The following BNC2 variants were observed in gnomAD, a reference collection of about 807,000 sequenced individuals.
BNC2 encodes basonuclin zinc finger protein 2.
BNC2 carries 20 observed loss-of-function variants against 76.3 expected under a neutral mutation model. The observed-to-expected ratio is 0.26, with a 90% confidence interval of 0.18 to 0.38. The LOEUF is 0.38. Among genes scored for constraint, BNC2 ranks in the 10% least tolerant of loss-of-function variants. The pLI, the probability that BNC2 is intolerant of heterozygous loss-of-function variation, is 1.00. For missense variants in BNC2, 1,382 were observed against 1,399.8 expected, an observed-to-expected ratio of 0.99 and a Z score of 0.20; for synonymous variants, 582 against 514.8, an observed-to-expected ratio of 1.13 and a Z score of -1.77.
chr9:16,780,320 TC>T (rs1336599825), intron 1 of BNC2, among the ~76,000 whole-genome samples: 1 of 148,000 alleles, frequency 6.8e-6, no homozygotes, highest in Non-Finnish European at 1.5e-5. Context: ...ACGCCTGTAA[TC>T]CCAGCACTGT....
At chr9:16,431,308 C>A in intron 6 of BNC2, 1 of 252,482 alleles carries the variant, frequency 4.0e-6, no homozygotes, top group South Asian at 4.1e-5. Flanking sequence ...TATAAATAGG[C>A]TTCCCTTCAA....
chr9:16,427,114 A>G (rs1446216736), intron 6 of BNC2, among the ~76,000 whole-genome samples: 1 of 152,236 alleles, frequency 6.6e-6, no homozygotes, highest in Non-Finnish European at 1.5e-5. Flanking sequence ...TCAATAAAGT[A>G]CTTTTACTGA....
intron 1 of BNC2, among the ~76,000 whole-genome samples, chr9:16,815,135 TAAG>T (rs1818151387): frequency 6.6e-6 from 1 of 152,028 alleles, no homozygotes; most frequent in Non-Finnish European, 1.5e-5. Context: ...AGGACTTAAT[TAAG>T]AAGTGTAGAA....
At chr9:16,866,295 A>T (rs1159618168) in intron 1 of BNC2, among the ~76,000 whole-genome samples, 2 of 152,192 alleles carry the variant, frequency 1.3e-5, no homozygotes, top group South Asian at 4.1e-4. Flanking sequence ...ATTTATGCTT[A>T]TAACAGGAAG....
intron 3 of BNC2, among the ~76,000 whole-genome samples, chr9:16,691,238 G>A (rs1207834729): frequency 6.6e-6 from 1 of 152,086 alleles, no homozygotes; most frequent in African/African-American, 2.4e-5. Flanking sequence ...GTAAGGAAGG[G>A]GAGAAATTTC....
intron 2 of BNC2, among the ~76,000 whole-genome samples, chr9:16,729,519 A>G (rs1406445323): frequency 6.6e-6 from 1 of 151,598 alleles, no homozygotes; most frequent in East Asian, 1.9e-4. Flanking sequence ...TCTAGAACCG[A>G]CATCTCCTGA....
intron 2 of BNC2, among the ~76,000 whole-genome samples, 190 bp downstream of exon 2, chr9:16,738,170 T>G (rs1035641745): frequency 1.3e-5 from 2 of 152,174 alleles, no homozygotes; most frequent in African/African-American, 2.4e-5. Flanking sequence ...AAATCTACTT[T>G]CAATTATTTC....
intron 3 of BNC2, among the ~76,000 whole-genome samples, chr9:16,644,232 G>A (rs1362517694): frequency 6.6e-6 from 1 of 152,158 alleles, no homozygotes; most frequent in Non-Finnish European, 1.5e-5. Flanking sequence ...GGCAAGAAGA[G>A]GAAAAGAATC....
At chr9:16,748,840 C>CA (rs33931163) in intron 1 of BNC2, among the ~76,000 whole-genome samples, 1,060 of 57,224 alleles carry the variant, frequency 0.019, 64 homozygotes, top group African/African-American at 0.034. Context: ...GAAACCGTCT[C>CA]AAAAAAAAAA....
At chr9:16,522,006 C>G (rs1817635602) in intron 5 of BNC2, among the ~76,000 whole-genome samples, 1 of 152,198 alleles carries the variant, frequency 6.6e-6, no homozygotes, top group East Asian at 1.9e-4. Context: ...GCACACAGCA[C>G]TAGACAAAAA....
chr9:16,784,135 C>T (rs1219091739), intron 1 of BNC2, among the ~76,000 whole-genome samples: 2 of 152,084 alleles, frequency 1.3e-5, no homozygotes, highest in Admixed American at 6.5e-5. Flanking sequence ...TCTTCTTAGT[C>T]AAAAAGACTT....
At chr9:16,712,856 G>C (rs1412030336) in intron 3 of BNC2, among the ~76,000 whole-genome samples, 1 of 152,202 alleles carries the variant, frequency 6.6e-6, no homozygotes, top group Non-Finnish European at 1.5e-5. Flanking sequence ...TCTGCCAATA[G>C]CTTTAGGGTG....
At chr9:16,775,207 T>C (rs1056900011) in intron 1 of BNC2, among the ~76,000 whole-genome samples, 5 of 152,178 alleles carry the variant, frequency 3.3e-5, no homozygotes, top group African/African-American at 4.8e-5. Context: ...GTGATACTGA[T>C]GCATGCTCAA....
intron 5 of BNC2, among the ~76,000 whole-genome samples, chr9:16,509,440 C>A (rs1192770404): frequency 1.3e-5 from 2 of 152,188 alleles, no homozygotes. Flanking sequence ...ACATAAGTTA[C>A]TCAGCCAATT....
chr9:16,633,879 T>C (rs1216849222), intron 3 of BNC2, among the ~76,000 whole-genome samples: 1 of 152,196 alleles, frequency 6.6e-6, no homozygotes, highest in Non-Finnish European at 1.5e-5. Context: ...AACAGGTAAG[T>C]CAGAATTTCA....
At position 16,552,597 on chromosome 9, in the gene BNC2, T is replaced by G; in HGVS notation, c.602A>C (p.Glu201Ala). Residue 201 changes from glutamate (E) to alanine (A), a missense_variant, in exon 5 of 7, where the codon GAG becomes GCG. Physicochemically the swap from Glu to Ala is moderately radical, Grantham distance 107 (BLOSUM62 -1). This residue lies in a region of BNC2 where 557 missense variants were observed against 540.9 expected (regional missense o/e 1.03). Coordinates refer to ENST00000380672, the MANE Select transcript of BNC2 (RefSeq NM_017637.6). ...DRLFSVLKQE[E>A]VLHILHGLGW... ...AAGGCCGTGCAGTATGTGCAGTACC[T>G]CCTCTTGCTTCAGGACGCTGAAGAG... 1 of 1,614,228 alleles carries G rather than the reference T, an allele frequency of 6.2e-7. No individual in the cohort carries two copies. Among genetic ancestry groups the G allele is most frequent in the Non-Finnish European group, 8.5e-7 (1 of 1,180,044 alleles).
intron 1 of BNC2, among the ~76,000 whole-genome samples, chr9:16,833,462 A>C (rs948743859): frequency 6.6e-6 from 1 of 151,980 alleles, no homozygotes. Context: ...TGGGAAGCCA[A>C]GAGCTTCGAG....
At position 16,813,296 on chromosome 9, in the gene BNC2, G is replaced by T. The variant is rs570781531; in HGVS notation, c.3+57350C>A. Among the ~76,000 whole-genome samples the T allele has an allele frequency of 3.2e-3, 478 of 151,144 alleles. 7 individuals carry two copies. The highest frequency in any genetic ancestry group is 7.7e-4 in the Non-Finnish European group (52 of 67,822). On this transcript the variant is annotated intron_variant, in intron 1 of 6. Coordinates refer to ENST00000380672, the MANE Select transcript of BNC2 (RefSeq NM_017637.6). ...TTTTTTTTGTTTTGAGACGGAGTCTGGCTCTGTCGCCCAGGCTGGAGTGCA... is the reference window on the plus strand; with the variant it reads ...TTTTTTTTGTTTTGAGACGGAGTCTTGCTCTGTCGCCCAGGCTGGAGTGCA...
intron 1 of BNC2, among the ~76,000 whole-genome samples, chr9:16,864,843 T>C (rs1278968219): frequency 1.3e-5 from 2 of 151,680 alleles, no homozygotes; most frequent in Non-Finnish European, 2.9e-5. Context: ...GCACAGACAC[T>C]AATGAAAGGT....
Sources: gnomAD v4.1 joint callset for allele counts (sites outside exome capture counted in the v4.1 genomes callset) on GRCh38, gnomAD v4.1.1 for gene constraint, gnomAD v4.1.1 regional missense constraint, MANE v1.5 for transcripts, NCBI Gene and HGNC (gene_info 2026-07-23, HGNC 2026-07-21) for gene names.